USP40: variants seen among roughly 807,000 people sequenced by gnomAD.
The protein encoded by USP40 is ubiquitin carboxyl-terminal hydrolase 40.
USP40 carries 143 observed loss-of-function variants against 166.2 expected under a neutral mutation model. The observed-to-expected ratio is 0.86, with a 90% CI of 0.75 to 0.99. USP40 has a LOEUF of 0.99. Among genes scored for constraint, USP40 ranks in the 50% least tolerant of loss-of-function variants. The pLI is 0.00. For missense variants in USP40, 1,444 were observed against 1,479.7 expected, an observed-to-expected ratio of 0.98 and a Z score of 0.40; for synonymous variants, 498 against 524.0, an observed-to-expected ratio of 0.95 and a Z score of 0.68.
rs2167884 is a variant in USP40, at chr2:233,540,670, G to A, written c.1162C>T (p.Leu388=). The change falls in exon 10 of 32, where the codon CTG becomes TTG. Residue 388 remains leucine, a synonymous_variant. Transcript: ENST00000678225. The part of the protein sequence containing the change: ...NKKYRKQHGP[L]RKFLQLHSQI... ...ACGATGCCATGTATTACCTTCCGCA[G>A]TGGTCCATGCTGTTTTCTGTACTTC... 1,279,669 of 1,605,892 alleles carry A rather than the reference G, an allele frequency of 0.8. 510,960 individuals carry two copies. Among genetic ancestry groups the A allele is most frequent in the East Asian group, 0.9 (40,175 of 44,614 alleles).
At chr2:233,481,888 C>T (rs768424991) in intron 30 of USP40, among the ~76,000 whole-genome samples, 30 of 152,188 alleles carry the variant, frequency 2.0e-4, no homozygotes, top group Non-Finnish European at 3.8e-4. Context: ...AAATGCTGTC[C>T]ACAGGGAGGA....
In USP40 at chr2:233,493,045, T is replaced by C. The variant is rs1158542229; in HGVS notation, c.2917+380A>G. ...GGAAGACATGTAGGATGTGGACTCC[T>C]GGTCTCTGCCCCTGTGGGCTAAAAT... is the stretch of plus-strand genomic sequence containing the variant. On this transcript the variant is annotated intron_variant, in intron 25 of 31. Transcript: ENST00000678225. The surrounding 1 kb of genome is among the most constrained non-coding windows in gnomAD (Gnocchi z 4.7). 7.4e-6 allele frequency: 2 copies of C among 269,200 alleles called. No individual in the cohort carries two copies. The highest frequency in any genetic ancestry group is 1.4e-5 in the Non-Finnish European group (2 of 141,620). The allele number at this position is 269,200 out of a possible 1,614,324, so 16.7% of individuals were successfully genotyped here. A position where few individuals can be genotyped will look rare whatever the true frequency, so the allele number is the denominator to read the frequency against.
intron 5 of USP40, among the ~76,000 whole-genome samples, chr2:233,554,889 G>A (rs889442218): frequency 1.3e-5 from 2 of 152,072 alleles, no homozygotes; most frequent in Admixed American, 6.5e-5. Flanking sequence ...TAAGAGCAAG[G>A]GCAGGGTTGA....
intron 3 of USP40, among the ~76,000 whole-genome samples, chr2:233,560,349 C>T (rs1171514461): frequency 1.3e-5 from 2 of 152,210 alleles, no homozygotes; most frequent in Non-Finnish European, 2.9e-5. Context: ...TCACTTTCTC[C>T]TGGCTCCAAG....
intron 10 of USP40, among the ~76,000 whole-genome samples, chr2:233,534,309 G>A (rs998398578): frequency 2.6e-5 from 4 of 152,168 alleles, no homozygotes; most frequent in Non-Finnish European, 5.9e-5. Flanking sequence ...TAAGGGTTAA[G>A]TCACAATCCC....
chr2:233,494,719 GC>G (rs1448023664), intron 24 of USP40, among the ~76,000 whole-genome samples: 2 of 149,100 alleles, frequency 1.3e-5, no homozygotes, highest in Non-Finnish European at 3.0e-5. Flanking sequence ...TTAAAAATTA[GC>G]CAGGCACAGT....
At position 233,496,946 on chromosome 2, in the gene USP40, A is replaced by G. The variant is rs528273505; in HGVS notation, c.2716-114T>C. ...TTTTCAAAAATTAAATGAATAATAA[A>G]GCAGATATGGAAGACACAGGAAATA... is the stretch of plus-strand genomic sequence containing the variant. On this transcript the variant is annotated intron_variant, in intron 23 of 31. Coordinates refer to ENST00000678225, the MANE Select transcript of USP40 (RefSeq NM_001365479.2). The G allele has an allele frequency of 6.2e-4, 436 of 700,834 alleles. 1 individual carries two copies. Among genetic ancestry groups the G allele is most frequent in the Non-Finnish European group, 9.1e-4 (387 of 423,256 alleles). The allele number at this position is 700,834 out of a possible 1,614,324, so 43.4% of individuals were successfully genotyped here. A position where few individuals can be genotyped will look rare whatever the true frequency, so the allele number is the denominator to read the frequency against.
chr2:233,479,798 TC>T (rs905666854), intron 31 of USP40, among the ~76,000 whole-genome samples: 3 of 151,934 alleles, frequency 2.0e-5, no homozygotes, highest in Non-Finnish European at 4.4e-5. Context: ...TCCTTTGCTA[TC>T]CTGGGGCTCC....
intron 12 of USP40, among the ~76,000 whole-genome samples, chr2:233,527,980 ATT>A (rs200328029): frequency 1.0e-4 from 14 of 139,478 alleles, no homozygotes; most frequent in Non-Finnish European, 7.8e-5. Flanking sequence ...TTCTCCCATG[ATT>A]TTTTTTTTTT....
At chr2:233,488,370 C>T in intron 27 of USP40, 66 bp from the exon 28 acceptor site, 1 of 1,436,390 alleles carries the variant, frequency 7.0e-7, no homozygotes, top group Non-Finnish European at 9.5e-7. Flanking sequence ...ATTTTTTTTC[C>T]CCCAATTTTA....
chr2:233,506,603 T>C (rs1363995503), intron 21 of USP40, among the ~76,000 whole-genome samples: 1 of 151,902 alleles, frequency 6.6e-6, no homozygotes, highest in Non-Finnish European at 1.5e-5. Context: ...AGTATAAATC[T>C]AACAAAGGGA....
chr2:233,496,543 T>C (rs1306144358), intron 24 of USP40, among the ~76,000 whole-genome samples: 11 of 152,220 alleles, frequency 7.2e-5, no homozygotes, highest in African/African-American at 2.7e-4. Context: ...ATATAAAAAG[T>C]AGGAAATAAA....
Position 233,558,371 on chromosome 2 carries a change from T to TA in USP40, c.382-1353dup, listed in dbSNP as rs369795373. ...AAAATCTATCAACCAATGACTAGAT[T>TA]AAAAAAAAAAAACAAAAAACATGTG... On this transcript the variant is annotated intron_variant, in intron 4 of 31. Coordinates refer to ENST00000678225, the MANE Select transcript of USP40 (RefSeq NM_001365479.2). 3.9e-3 allele frequency among the ~76,000 whole-genome samples: 558 copies of TA among 141,272 alleles called. 5 individuals are homozygous for TA. Among genetic ancestry groups the TA allele is most frequent in the African/African-American group, 0.011 (423 of 38,608 alleles). The allele number at this position is 141,272 out of a possible 152,430, so 92.7% of individuals were successfully genotyped here.
chr2:233,554,519 A>T lies in USP40; in HGVS notation c.554T>A (p.Phe185Tyr). 1 of 1,604,262 alleles carries T rather than the reference A, an allele frequency of 6.2e-7. No homozygotes were observed. The highest frequency in any genetic ancestry group is 8.5e-7 in the Non-Finnish European group (1 of 1,176,894). The change falls in exon 6 of 32, where the codon TTC becomes TAC. Residue 185 changes from phenylalanine to tyrosine, a missense_variant. Coordinates refer to ENST00000678225, the MANE Select transcript of USP40 (RefSeq NM_001365479.2). ...CKNVSERQED[F>Y]LDLTVAVKNV... ...TTTGACTGCTACTGTTAGATCTAAG[A>T]AGTCTTCCTGAAATAGACATGAATA...
chr2:233,557,254 C>G (rs952452712), intron 4 of USP40, among the ~76,000 whole-genome samples: 2 of 152,098 alleles, frequency 1.3e-5, no homozygotes, highest in Non-Finnish European at 2.9e-5. Context: ...AACTCAATTC[C>G]TTTGACACCC....
At chr2:233,523,790 G>A (rs2067822453) in intron 15 of USP40, among the ~76,000 whole-genome samples, 1 of 152,006 alleles carries the variant, frequency 6.6e-6, no homozygotes, top group African/African-American at 2.4e-5. Flanking sequence ...AGTGCTCCTG[G>A]CCGCCTTCTA....
Position 233,485,544 on chromosome 2 carries a change from G to A in USP40, c.3491C>T (p.Thr1164Ile). ...GAPYYLKDGD[T>I]IGVKNLLIDD... The stretch of plus-strand genomic sequence containing the variant: ...TAAACAACTTACCTTAACACCAATA[G>A]TATCTCCGTCTTTCAAGTAATACGG... Residue 1164 changes from threonine to isoleucine, a missense_variant, in exon 30 of 32, where the codon ACT (threonine) becomes ATT (isoleucine). By Grantham distance (89) the Thr-to-Ile change is moderately conservative (BLOSUM62 -1). Coordinates refer to ENST00000678225, the MANE Select transcript of USP40 (RefSeq NM_001365479.2). 1 of 1,613,674 alleles carries A rather than the reference G, an allele frequency of 6.2e-7. No homozygotes were observed. The highest frequency in any genetic ancestry group is 2.2e-5 in the East Asian group (1 of 44,878).
chr2:233,477,810 C>CG (rs1204360807), intron 31 of USP40, among the ~76,000 whole-genome samples: 11 of 152,338 alleles, frequency 7.2e-5, no homozygotes, highest in African/African-American at 2.4e-4. Flanking sequence ...ACTTTTTAAA[C>CG]GGAAGAATAA....
rs1004482205 is a variant in USP40, at chr2:233,476,725, C to T, written c.*667G>A. ...GACCCTTGGCCTGCGGGCTGACGTG[C>T]AGCGGCTGCCCTTGCTTAGCAGAGC... On this transcript the variant is annotated 3_prime_UTR_variant, in exon 32 of 32. Transcript: ENST00000678225. 6.4e-6 allele frequency: 1 copy of T among 157,296 alleles called. No individual in the cohort carries two copies. Among genetic ancestry groups the T allele is most frequent in the African/African-American group, 2.4e-5 (1 of 41,484 alleles). 9.7% of individuals were successfully genotyped at this position (157,296 alleles called of 1,614,324 possible).
Sources: allele counts gnomAD v4.1 joint callset (sites outside exome capture counted in the v4.1 genomes callset), GRCh38; gene constraint gnomAD v4.1.1; non-coding constraint Gnocchi (gnomAD v3.1); transcripts MANE v1.5; gene names NCBI Gene and HGNC (gene_info 2026-07-23, HGNC 2026-07-21).